Variants in GLIS1 observed in about 807,000 individuals in gnomAD.
The protein encoded by GLIS1 is zinc finger protein GLIS1.
GLIS1 carries 24 observed loss-of-function variants against 63.8 expected under a neutral mutation model. The ratio of observed to expected loss-of-function variants is 0.38; its 90% confidence interval spans 0.27 to 0.53. The LOEUF (loss-of-function observed/expected upper bound fraction) is 0.53. GLIS1 is among the 20% of genes least tolerant of loss of function. The pLI is 0.85. For synonymous variants in GLIS1, 450 were observed against 482.5 expected (o/e 0.93, Z 0.88); for missense variants, 1,036 against 1,074.1 (o/e 0.96, Z 0.50).
chr1:53,693,571 C>A (rs937694946), intron 2 of GLIS1, among the ~76,000 whole-genome samples: 1 of 152,218 alleles, frequency 6.6e-6, no homozygotes, highest in Non-Finnish European at 1.5e-5. Context: ...GCCTCTCACC[C>A]CCGCCCACAG....
intron 2 of GLIS1, among the ~76,000 whole-genome samples, chr1:53,655,016 G>C (rs11588637): frequency 0.1 from 15,211 of 152,258 alleles, 952 homozygotes; most frequent in South Asian, 0.24. Flanking sequence ...AAATGCTGAT[G>C]ATGAGGAGCT....
At chr1:53,528,212 G>A (rs1212654218) in intron 5 of GLIS1, among the ~76,000 whole-genome samples, 4 of 152,310 alleles carry the variant, frequency 2.6e-5, no homozygotes, top group East Asian at 1.9e-4. Flanking sequence ...CTTCATGTCC[G>A]TAGCACAGCC....
At chr1:53,561,737 G>A (rs1644893960) in intron 4 of GLIS1, among the ~76,000 whole-genome samples, 1 of 152,222 alleles carries the variant, frequency 6.6e-6, no homozygotes, top group African/African-American at 2.4e-5. Flanking sequence ...TTCATGGAGA[G>A]TCATCCCGAG....
chr1:53,558,022 CG>C (rs1259539019), intron 4 of GLIS1, among the ~76,000 whole-genome samples: 5 of 152,172 alleles, frequency 3.3e-5, no homozygotes, highest in Admixed American at 6.5e-5. Context: ...CTAATTAGAT[CG>C]GGAAGCAGGC....
chr1:53,712,263 T>C (rs976686293), intron 2 of GLIS1, among the ~76,000 whole-genome samples: 1 of 152,212 alleles, frequency 6.6e-6, no homozygotes, highest in Non-Finnish European at 1.5e-5. Context: ...AGAGACCCTG[T>C]GAAAATCAGA....
chr1:53,654,831 G>A (rs1374106649), intron 2 of GLIS1, among the ~76,000 whole-genome samples: 2 of 152,070 alleles, frequency 1.3e-5, no homozygotes, highest in Non-Finnish European at 2.9e-5. Flanking sequence ...AATGGAGAGA[G>A]AGAAATGGGA....
intron 2 of GLIS1, among the ~76,000 whole-genome samples, chr1:53,672,755 T>C (rs1396739622): frequency 6.6e-6 from 1 of 152,234 alleles, no homozygotes. Flanking sequence ...CCTGCTCCTC[T>C]ATCTCCCCTT....
In GLIS1 at chr1:53,639,842, A is replaced by C. The variant is rs932487683; in HGVS notation, c.260-39564T>G. 3.3e-5 allele frequency among the ~76,000 whole-genome samples: 5 copies of C among 152,116 alleles called. No individual in the cohort carries two copies. The highest frequency in any genetic ancestry group is 7.3e-5 in the Non-Finnish European group (5 of 68,028). ...CCGAGGTTCTGCTTTGCCACTGAGGAAAGTAGGCAAATGTGGATGTTGTTT... is the reference window on the plus strand; with the variant it reads ...CCGAGGTTCTGCTTTGCCACTGAGGCAAGTAGGCAAATGTGGATGTTGTTT... On this transcript the variant is annotated intron_variant, in intron 2 of 10. Transcript: ENST00000628545. The surrounding 1 kb of genome is among the most constrained non-coding windows in gnomAD (Gnocchi z 4.6).
intron 4 of GLIS1, among the ~76,000 whole-genome samples, chr1:53,568,399 G>A (rs1247720907): frequency 1.3e-5 from 2 of 152,142 alleles, no homozygotes; most frequent in African/African-American, 4.8e-5. Context: ...TAGGTGGGAG[G>A]GACTTGTCTT....
At chr1:53,631,988 A>T (rs1194330357) in intron 2 of GLIS1, among the ~76,000 whole-genome samples, 1 of 151,546 alleles carries the variant, frequency 6.6e-6, no homozygotes, top group Non-Finnish European at 1.5e-5. Flanking sequence ...TGTGTGAATG[A>T]GTGTGACTAA....
At chr1:53,514,449 A>C (rs1644328777) in intron 8 of GLIS1, among the ~76,000 whole-genome samples, 176 bp downstream of exon 8, 2 of 152,302 alleles carry the variant, frequency 1.3e-5, no homozygotes, top group South Asian at 4.2e-4. Context: ...GCAGGCACCA[A>C]CGGAATCATG....
At chr1:53,516,931 C>T (rs1263015273) in intron 7 of GLIS1, among the ~76,000 whole-genome samples, 2 of 152,166 alleles carry the variant, frequency 1.3e-5, no homozygotes, top group Non-Finnish European at 2.9e-5. Flanking sequence ...CCCTACGTTA[C>T]ATTACATCAT....
In GLIS1 at chr1:53,506,621, A is replaced by G; in HGVS notation, c.2386T>C (p.Ter796ArgextTer62). The G allele has an allele frequency of 6.2e-7, 1 of 1,613,276 alleles. No homozygotes were observed. The highest frequency in any genetic ancestry group is 1.1e-5 in the South Asian group (1 of 91,058). The change falls in exon 11 of 11, where the codon TGA becomes CGA. Residue 796 changes from the stop codon to arginine, a stop_lost. Coordinates refer to ENST00000628545, the MANE Select transcript of GLIS1 (RefSeq NM_001367484.1). ...GHIPSIYTDT[*>R] is the part of the protein sequence containing the mutation. ...GGCAGGCGCATGTGGGGGCTCCTTC[A>G]GGTGTCTGTGTAGATGGAGGGGATG...
At chr1:53,565,107 T>C (rs1402363069) in intron 4 of GLIS1, among the ~76,000 whole-genome samples, 2 of 152,074 alleles carry the variant, frequency 1.3e-5, no homozygotes, top group Non-Finnish European at 2.9e-5. Flanking sequence ...AAAATGTTCC[T>C]ATGTTTGGAA....
intron 2 of GLIS1, among the ~76,000 whole-genome samples, chr1:53,607,958 CTTTTT>C (rs377462740): frequency 7.8e-6 from 1 of 128,646 alleles, no homozygotes; most frequent in African/African-American, 2.9e-5. Flanking sequence ...TGATGTCTCT[CTTTTT>C]TTTTTTTTTT....
At chr1:53,593,138 G>A (rs1398765955) in intron 4 of GLIS1, among the ~76,000 whole-genome samples, 2 of 152,264 alleles carry the variant, frequency 1.3e-5, no homozygotes, top group African/African-American at 4.8e-5. Context: ...ACCAGCCCCA[G>A]CACACCAGCC....
intron 2 of GLIS1, among the ~76,000 whole-genome samples, chr1:53,602,112 C>A (rs1441118314): frequency 6.6e-6 from 1 of 152,206 alleles, no homozygotes; most frequent in Non-Finnish European, 1.5e-5. Flanking sequence ...CGTCCTGCTG[C>A]GAGCAACGCT....
chr1:53,524,990 T>A, intron 5 of GLIS1, 103 bp from the exon 6 acceptor site: 2 of 859,094 alleles, frequency 2.3e-6, no homozygotes, highest in Non-Finnish European at 3.7e-6. Context: ...AGAGGCTGGC[T>A]GCAGGCCAAG....
rs767895071 is a variant in GLIS1 at position 53,526,953 on chromosome 1, G to A, written c.1483-2066C>T. Among the ~76,000 whole-genome samples the A allele has an allele frequency of 9.2e-5, 14 of 152,232 alleles. No homozygotes were observed. The highest frequency in any genetic ancestry group is 2.0e-4 in the Admixed American group (3 of 15,288). ...GCCTCCCTCTGTCTGTAATGAGGAC[G>A]CTCCGGGTGAGTCTGCCGTGCGGAG... On this transcript the variant is annotated intron_variant, in intron 5 of 10. Coordinates refer to ENST00000628545, the MANE Select transcript of GLIS1 (RefSeq NM_001367484.1). This position sits in a 1 kb window ranked among gnomAD's most constrained non-coding sequence, Gnocchi z 4.4.
Sources: allele counts gnomAD v4.1 joint callset (sites outside exome capture counted in the v4.1 genomes callset), GRCh38; gene constraint gnomAD v4.1.1; non-coding constraint Gnocchi (gnomAD v3.1); transcripts MANE v1.5; gene names NCBI Gene and HGNC (gene_info 2026-07-23, HGNC 2026-07-21).